The following BNIP2 variants were observed in gnomAD, a reference collection of about 807,000 sequenced individuals.
BNIP2 encodes BCL2/adenovirus E1B 19 kDa protein-interacting protein 2.
A neutral mutation model predicts 43.4 loss-of-function variants in BNIP2; 36 were observed. The ratio of observed to expected loss-of-function variants is 0.83; its 90% CI spans 0.64 to 1.10. The LOEUF is 1.10. Among genes scored for constraint, BNIP2 ranks in the 50% least tolerant of loss-of-function variants. The pLI, the probability that BNIP2 is intolerant of heterozygous loss-of-function variation, is 0.00. For synonymous variants in BNIP2, 146 were observed against 121.0 expected (o/e 1.21, Z -1.35); for missense variants, 417 against 374.1 (o/e 1.11, Z -0.95).
intron 5 of BNIP2, among the ~76,000 whole-genome samples, chr15:59,673,546 C>G (rs1893071624): frequency 6.6e-6 from 1 of 152,166 alleles, no homozygotes; most frequent in Admixed American, 6.5e-5. Context: ...CACCTCATAG[C>G]CTCCAGAGGA....
chr15:59,675,697 C>G (rs1361648713), intron 5 of BNIP2, among the ~76,000 whole-genome samples: 2 of 152,086 alleles, frequency 1.3e-5, no homozygotes, highest in Non-Finnish European at 2.9e-5. Context: ...TTTATAACAG[C>G]CCAAGCTGGA....
chr15:59,668,818 T>C (rs1052006767), intron 9 of BNIP2, 74 bp downstream of exon 9: 2 of 1,214,954 alleles, frequency 1.6e-6, no homozygotes, highest in African/African-American at 1.5e-5. Flanking sequence ...AAAGAATGAG[T>C]ATTGAAAAGT....
In BNIP2 at chr15:59,679,590, A is replaced by C; in HGVS notation, c.295+2T>G. On this transcript the variant is annotated splice_donor_variant, in intron 4 of 9. Coordinates refer to ENST00000607373, the MANE Select transcript of BNIP2 (RefSeq NM_004330.4). LOFTEE classifies it high-confidence loss of function. ...TCAGATTAAAAACAGTGAAACATTT[A>C]CCTTCCCACTCAAACTCATTACTAT... 2.5e-6 allele frequency: 4 copies of C among 1,611,332 alleles called. No individual in the cohort carries two copies. Among genetic ancestry groups the C allele is most frequent in the Non-Finnish European group, 3.4e-6 (4 of 1,178,820 alleles).
chr15:59,689,212 A>G lies in BNIP2; in HGVS notation c.-135T>C. 1.3e-6 allele frequency: 2 copies of G among 1,540,564 alleles called. No homozygotes were observed. Among genetic ancestry groups the G allele is most frequent in the Non-Finnish European group, 1.7e-6 (2 of 1,146,408 alleles). ...GTGGGGCTGACGGCCAGGTCGCAAA[A>G]AGCAGGGCCGAGCGGAGCCCGCTCC... On this transcript the variant is annotated 5_prime_UTR_variant, in exon 1 of 10. Coordinates refer to ENST00000607373, the MANE Select transcript of BNIP2 (RefSeq NM_004330.4).
chr15:59,660,411 T>A lies in BNIP2; in HGVS notation c.*3658A>T, dbSNP rs1165343085. 6.6e-6 allele frequency: 1 copy of A among 152,140 alleles called. No homozygotes were observed. The highest frequency in any genetic ancestry group is 2.1e-4 in the South Asian group (1 of 4,822). 9.4% of individuals were successfully genotyped at this position (152,140 alleles called of 1,614,324 possible). A position where few individuals can be genotyped will look rare whatever the true frequency, so the allele number is the denominator to read the frequency against. On this transcript the variant is annotated 3_prime_UTR_variant, in exon 10 of 10. Coordinates refer to ENST00000607373, the MANE Select transcript of BNIP2 (RefSeq NM_004330.4). ...AGCAAGTTTAACACTTCTCCACATA[T>A]AACATGGAAAAAGGAAGGATGAACC... is the stretch of plus-strand genomic sequence containing the variant.
chr15:59,684,925 A>C (rs769150416), intron 1 of BNIP2, among the ~76,000 whole-genome samples: 19 of 152,156 alleles, frequency 1.2e-4, no homozygotes, highest in Non-Finnish European at 2.6e-4. Context: ...AAAATTAAGT[A>C]AATAATACTT....
intron 4 of BNIP2, 60 bp from the exon 5 acceptor site, chr15:59,678,147 G>C (rs1390948906): frequency 1.3e-6 from 2 of 1,513,850 alleles, no homozygotes; most frequent in African/African-American, 1.4e-5. Context: ...CAAATTATAC[G>C]TTAACCACTT....
chr15:59,672,576 A>T, intron 6 of BNIP2, 61 bp downstream of exon 6: 1 of 1,241,782 alleles, frequency 8.1e-7, no homozygotes, highest in Non-Finnish European at 1.2e-6. Context: ...TAAGTTTCTT[A>T]AGGTGTAGAT....
rs780985530 is a variant in BNIP2, at chr15:59,680,319, C to A, written c.51-11G>T. ...TCTTCTGGTAAAGGTCTAGAAGACA[C>A]AGGCATACTTTTTAATCCAGAAATT... On this transcript the variant is annotated splice_polypyrimidine_tract_variant and intron_variant, in intron 2 of 9. Coordinates refer to ENST00000607373, the MANE Select transcript of BNIP2 (RefSeq NM_004330.4). The A allele has an allele frequency of 2.5e-6, 4 of 1,582,168 alleles. No homozygotes were observed. The highest frequency in any genetic ancestry group is 3.4e-6 in the Non-Finnish European group (4 of 1,162,366).
chr15:59,682,450 C>A lies in BNIP2; in HGVS notation c.8G>T (p.Gly3Val). 3.1e-6 allele frequency: 5 copies of A among 1,613,774 alleles called. No individual in the cohort carries two copies. The highest frequency in any genetic ancestry group is 3.4e-6 in the Non-Finnish European group (4 of 1,179,766). ME[G>V]VELKEEWQDE... ...TTGCCATTCTTCTTTAAGTTCCACA[C>A]CTTCCATCCTCAGCCTGGATTCAAT... Residue 3 changes from glycine (G) to valine (V), a missense_variant, in exon 2 of 10, where the codon GGT (glycine) becomes GTT (valine). Physicochemically the swap from Gly to Val is moderately radical, Grantham distance 109. Coordinates refer to ENST00000607373, the MANE Select transcript of BNIP2 (RefSeq NM_004330.4).
chr15:59,680,295 C>T lies in BNIP2; in HGVS notation c.64G>A (p.Asp22Asn), dbSNP rs144230763. Residue 22 changes from aspartate (D) to asparagine (N), a missense_variant, in exon 3 of 10, where the codon GAT (aspartate) becomes AAT (asparagine). Asp to Asn is a conservative substitution (Grantham distance 23, BLOSUM62 1). Coordinates refer to ENST00000607373, the MANE Select transcript of BNIP2 (RefSeq NM_004330.4). ...DEDFPIPLPE[D>N]DSIEADILAI... The stretch of plus-strand genomic sequence containing the variant: ...AGTATATCTGCTTCAATACTATCAT[C>T]TTCTGGTAAAGGTCTAGAAGACACA... The T allele has an allele frequency of 4.4e-6, 7 of 1,601,340 alleles. No homozygotes were observed. The highest frequency in any genetic ancestry group is 6.0e-6 in the Non-Finnish European group (7 of 1,173,124).
In BNIP2 at chr15:59,668,981, G is replaced by A; in HGVS notation, c.804C>T (p.Phe268=). The A allele has an allele frequency of 6.2e-7, 1 of 1,612,906 alleles. No individual in the cohort carries two copies. The highest frequency in any genetic ancestry group is 1.3e-5 in the African/African-American group (1 of 75,012). ...TAAACACGTATCTAATTTTTTGGCT[G>A]AATTTCGAGCTATGGAAGAAAATAA... ...AVTRPFISSK[F]SQKIRYVFNL... Residue 268 remains phenylalanine (F), a synonymous_variant, in exon 9 of 10, where the codon TTC becomes TTT. Transcript: ENST00000607373.
chr15:59,675,846 A>C (rs917306889), intron 5 of BNIP2, among the ~76,000 whole-genome samples: 15 of 152,256 alleles, frequency 9.9e-5, no homozygotes, highest in African/African-American at 3.6e-4. Context: ...CTTCATGCTG[A>C]AAAGTAAACA....
chr15:59,686,853 C>T (rs1370173116), intron 1 of BNIP2, among the ~76,000 whole-genome samples: 1 of 152,100 alleles, frequency 6.6e-6, no homozygotes, highest in Non-Finnish European at 1.5e-5. Context: ...CCCATCTCTA[C>T]CAAAAATACA....
intron 5 of BNIP2, chr15:59,676,713 T>G: frequency 1.1e-6 from 1 of 904,702 alleles, no homozygotes; most frequent in Non-Finnish European, 1.7e-6. Context: ...GCGAGCGCAG[T>G]GGAGTGCCGC....
At chr15:59,680,800 C>T (rs190834037) in intron 2 of BNIP2, among the ~76,000 whole-genome samples, 25 of 152,070 alleles carry the variant, frequency 1.6e-4, no homozygotes, top group South Asian at 1.2e-3. Context: ...TGGTAGAGAC[C>T]GGATATTGCT....
In BNIP2 at chr15:59,682,419, T is replaced by C; in HGVS notation, c.39A>G (p.Glu13=). 6.2e-7 allele frequency: 1 copy of C among 1,612,414 alleles called. No homozygotes were observed. The highest frequency in any genetic ancestry group is 1.3e-5 in the African/African-American group (1 of 74,930). The change falls in exon 2 of 10, where the codon GAA becomes GAG. Residue 13 remains glutamate, a synonymous_variant. Transcript: ENST00000607373. ...GVELKEEWQD[E]DFPIPLPEDD... ...AAAGCATTGCTCACATCGGAAAATCTTCATCTTGCCATTCTTCTTTAAGTT... is the reference window on the plus strand; with the variant it reads ...AAAGCATTGCTCACATCGGAAAATCCTCATCTTGCCATTCTTCTTTAAGTT...
chr15:59,664,021 C>T lies in BNIP2; in HGVS notation c.*48G>A. 7 of 1,399,392 alleles carry T rather than the reference C, an allele frequency of 5.0e-6. No individual in the cohort carries two copies. The highest frequency in any genetic ancestry group is 5.8e-6 in the Non-Finnish European group (6 of 1,028,736). 86.7% of individuals were successfully genotyped at this position (1,399,392 alleles called of 1,614,324 possible). On this transcript the variant is annotated 3_prime_UTR_variant, in exon 10 of 10. Coordinates refer to ENST00000607373, the MANE Select transcript of BNIP2 (RefSeq NM_004330.4). ...ATGCATTATGAATGCAGAAACAGCA[C>T]TGCTCCATCAGCACATTCTTCAGTC... is the stretch of plus-strand genomic sequence containing the variant.
At chr15:59,683,804 G>C (rs1419197813) in intron 1 of BNIP2, among the ~76,000 whole-genome samples, 1 of 152,208 alleles carries the variant, frequency 6.6e-6, no homozygotes, top group African/African-American at 2.4e-5. Context: ...GGGTGACAGA[G>C]CAAAACCAGT....
Sources: allele counts gnomAD v4.1 joint callset (sites outside exome capture counted in the v4.1 genomes callset), GRCh38; gene constraint gnomAD v4.1.1; transcripts MANE v1.5; gene names NCBI Gene and HGNC (gene_info 2026-07-23, HGNC 2026-07-21).